CACNA1I: variants seen among roughly 807,000 people sequenced by gnomAD.
CACNA1I encodes the protein calcium voltage-gated channel subunit alpha1 I, also known as voltage-dependent T-type calcium channel subunit alpha-1I.
Under a neutral mutation model 201.6 loss-of-function variants are expected in CACNA1I, and 74 were observed. The ratio of observed to expected loss-of-function variants is 0.37; its 90% CI spans 0.30 to 0.45. The LOEUF (loss-of-function observed/expected upper bound fraction) is 0.45. Among genes scored for constraint, CACNA1I ranks in the 20% least tolerant of loss-of-function variants. CACNA1I has a pLI of 1.00. For missense variants in CACNA1I, 2,346 were observed against 3,138.1 expected (o/e 0.75, Z 6.03); for synonymous variants, 1,431 against 1,345.2 (o/e 1.06, Z -1.40).
chr22:39,603,885 C>G (rs1409645442), intron 3 of CACNA1I, among the ~76,000 whole-genome samples: 1 of 152,166 alleles, frequency 6.6e-6, no homozygotes, highest in African/African-American at 2.4e-5. Context: ...TTGGAGTTAT[C>G]TTTTGGGCAG....
chr22:39,635,613 A>C (rs890462833), intron 5 of CACNA1I, among the ~76,000 whole-genome samples: 1 of 152,166 alleles, frequency 6.6e-6, no homozygotes, highest in Non-Finnish European at 1.5e-5. Flanking sequence ...AGACCACAGC[A>C]GGGGCACCTT....
chr22:39,678,022 C>T lies in CACNA1I; in HGVS notation c.4969C>T (p.Arg1657Trp), dbSNP rs1473372454. The T allele has an allele frequency of 2.5e-6, 4 of 1,601,292 alleles. No individual in the cohort carries two copies. Among genetic ancestry groups the T allele is most frequent in the Non-Finnish European group, 3.4e-6 (4 of 1,174,194 alleles). ...NDENPCEGMS[R>W]HATFENFGMA... ...CGAGAACCCGTGCGAGGGCATGAGC[C>T]GGCATGCCACCTTCGAGAACTTCGG... The change falls in exon 31 of 37, where the codon CGG (arginine) becomes TGG (tryptophan). Residue 1657 changes from arginine (R) to tryptophan (W), a missense_variant. By Grantham distance (101) the Arg-to-Trp change is moderately radical. Around this residue, in one of 13 missense-constraint regions of CACNA1I, gnomAD observed 64 missense variants for 131.8 expected, o/e 0.49. Transcript: ENST00000402142.
chr22:39,661,565 A>G (rs944922941), intron 16 of CACNA1I, among the ~76,000 whole-genome samples: 1 of 152,226 alleles, frequency 6.6e-6, no homozygotes, highest in Non-Finnish European at 1.5e-5. Flanking sequence ...GTGTAGGGTA[A>G]AAAGAGCTGG....
intron 3 of CACNA1I, among the ~76,000 whole-genome samples, chr22:39,616,783 A>T (rs888520459): frequency 1.7e-5 from 1 of 60,604 alleles, no homozygotes; most frequent in Non-Finnish European, 5.7e-5. Flanking sequence ...AAAAAAAAAA[A>T]AAAAGAAAAG....
At chr22:39,641,977 G>T (rs1384432847) in intron 6 of CACNA1I, among the ~76,000 whole-genome samples, 1 of 152,106 alleles carries the variant, frequency 6.6e-6, no homozygotes, top group Non-Finnish European at 1.5e-5. Flanking sequence ...GCTGGGTAGA[G>T]GTTACCTTTC....
chr22:39,646,493 A>G (rs1601491363), intron 7 of CACNA1I, 76 bp from the exon 8 acceptor site: 1 of 1,475,206 alleles, frequency 6.8e-7, no homozygotes, highest in Non-Finnish European at 9.0e-7. Flanking sequence ...TCCCCACTCC[A>G]TGACTCTGCC....
chr22:39,643,035 C>T, intron 7 of CACNA1I, 146 bp downstream of exon 7: 1 of 608,358 alleles, frequency 1.6e-6, no homozygotes, highest in South Asian at 2.0e-5. Context: ...TGTTTCTCAG[C>T]ACCACCGGGC....
chr22:39,673,984 C>T lies in CACNA1I; in HGVS notation c.4805C>T (p.Ala1602Val). ...IARVLKLLKM[A>V]TGMRALLDTV... ...GCAGTGCTGAAGCTGTTGAAGATGG[C>T]CACAGGAATGCGGGCCCTGCTGGAC... Residue 1602 changes from alanine to valine, a missense_variant, in exon 29 of 37, where the codon GCC becomes GTC. Physicochemically the swap from Ala to Val is moderately conservative, Grantham distance 64 (BLOSUM62 0). Around this residue, in one of 13 missense-constraint regions of CACNA1I, gnomAD observed 228 missense variants for 395.7 expected, o/e 0.58. Coordinates refer to ENST00000402142, the MANE Select transcript of CACNA1I (RefSeq NM_021096.4). 6.2e-7 allele frequency: 1 copy of T among 1,613,296 alleles called. No homozygotes were observed. Among genetic ancestry groups the T allele is most frequent in the Non-Finnish European group, 8.5e-7 (1 of 1,179,844 alleles).
At chr22:39,634,760 GA>G (rs775562215) in intron 5 of CACNA1I, 36 bp downstream of exon 5, 1 of 1,596,476 alleles carries the variant, frequency 6.3e-7, no homozygotes, top group East Asian at 2.2e-5. Context: ...CAGCTCCGGG[GA>G]CTCTTACTAA....
chr22:39,673,613 C>T (rs1037799123), intron 28 of CACNA1I, among the ~76,000 whole-genome samples: 5 of 152,204 alleles, frequency 3.3e-5, no homozygotes, highest in Non-Finnish European at 7.3e-5. Context: ...TCCTCTTTAT[C>T]GAGAGGGGAA....
intron 33 of CACNA1I, among the ~76,000 whole-genome samples, chr22:39,680,190 T>C (rs527734074): frequency 6.6e-6 from 1 of 152,268 alleles, no homozygotes; most frequent in Non-Finnish European, 1.5e-5. Flanking sequence ...TTGCCCTTTC[T>C]GTGACATGAG....
chr22:39,603,151 C>A (rs78913460), intron 3 of CACNA1I, among the ~76,000 whole-genome samples: 161 of 132,386 alleles, frequency 1.2e-3, no homozygotes, highest in Admixed American at 1.5e-3. Context: ...AAGACCCTGT[C>A]AAAAAAAAAA....
At chr22:39,618,287 GAC>G (rs386821387) in intron 3 of CACNA1I, among the ~76,000 whole-genome samples, 11 of 26,092 alleles carry the variant, frequency 4.2e-4, no homozygotes, top group East Asian at 1.8e-3. Context: ...CTGTGTGTGT[GAC>G]TGTGTGTGCA....
intron 1 of CACNA1I, among the ~76,000 whole-genome samples, chr22:39,586,602 A>G (rs992858302): frequency 6.6e-6 from 1 of 152,226 alleles, no homozygotes; most frequent in African/African-American, 2.4e-5. Context: ...AGTCATGCCC[A>G]GTGCTGCTGG....
chr22:39,592,669 C>T (rs1180088731), intron 1 of CACNA1I, among the ~76,000 whole-genome samples: 3 of 152,210 alleles, frequency 2.0e-5, no homozygotes, highest in Admixed American at 1.3e-4. Context: ...GCACTCCAGC[C>T]CTGCCCCCTC....
intron 1 of CACNA1I, 66 bp downstream of exon 1, chr22:39,571,054 T>A: frequency 1.5e-6 from 2 of 1,335,656 alleles, no homozygotes; most frequent in Non-Finnish European, 2.2e-6. Flanking sequence ...CTGGATTGAG[T>A]CCTGCTGCTC....
At chr22:39,571,907 T>C (rs1569041641) in intron 1 of CACNA1I, among the ~76,000 whole-genome samples, 1 of 152,114 alleles carries the variant, frequency 6.6e-6, no homozygotes, top group Non-Finnish European at 1.5e-5. Context: ...GCTCTGGCAG[T>C]GTTTGCTGGG....
At chr22:39,608,812 C>A (rs1341404895) in intron 3 of CACNA1I, among the ~76,000 whole-genome samples, 1 of 151,734 alleles carries the variant, frequency 6.6e-6, no homozygotes, top group East Asian at 1.9e-4. Flanking sequence ...AGAGTGAGAT[C>A]CTGTCTCAAA....
chr22:39,614,774 C>T (rs2146386801), intron 3 of CACNA1I, among the ~76,000 whole-genome samples: 1 of 152,330 alleles, frequency 6.6e-6, no homozygotes, highest in East Asian at 1.9e-4. Flanking sequence ...GGTGTCCACC[C>T]TCCCTGCCCT....
Sources: gnomAD v4.1 joint callset for allele counts (sites outside exome capture counted in the v4.1 genomes callset) on GRCh38, gnomAD v4.1.1 for gene constraint, gnomAD v4.1.1 regional missense constraint, MANE v1.5 for transcripts, NCBI Gene and HGNC (gene_info 2026-07-23, HGNC 2026-07-21) for gene names.